BRCA1: variants seen among roughly 807,000 people sequenced by gnomAD.
BRCA1 encodes BRCA1 DNA repair associated, also known as breast cancer type 1 susceptibility protein.
BRCA1 carries 140 observed loss-of-function variants against 173.7 expected under a neutral mutation model. That is an observed-to-expected ratio of 0.81 (90% CI 0.70 to 0.93). The LOEUF (loss-of-function observed/expected upper bound fraction) is 0.93, where lower values mean the gene tolerates loss of function less well. BRCA1 is among the 40% of genes least tolerant of loss of function. The probability of loss-of-function intolerance (pLI) is 0.00; values close to 1 mark genes in which losing one functional copy is unlikely to be tolerated. For synonymous variants in BRCA1, 662 were observed against 756.0 expected, an observed-to-expected ratio of 0.88 and a Z score of 2.04; for missense variants, 1,983 against 2,172.5, an observed-to-expected ratio of 0.91 and a Z score of 1.73.
At chr17:43,142,741 CT>C (rs2056083995) in intron 1 of BRCA1, among the ~76,000 whole-genome samples, 1 of 152,060 alleles carries the variant, frequency 6.6e-6, no homozygotes, top group Non-Finnish European at 1.5e-5. Context: ...TTGTGCTTTA[CT>C]TTTTATTTAA....
chr17:43,076,237 C>G (rs966972254), intron 13 of BRCA1, among the ~76,000 whole-genome samples: 6 of 152,014 alleles, frequency 3.9e-5, no homozygotes, highest in Non-Finnish European at 5.9e-5. Flanking sequence ...GGTTTTACCT[C>G]CATTATATTT....
chr17:43,101,347 C>G (rs2154543198), intron 6 of BRCA1, among the ~76,000 whole-genome samples: 1 of 152,148 alleles, frequency 6.6e-6, no homozygotes, highest in East Asian at 1.9e-4. Flanking sequence ...CATGCGCACG[C>G]CACCATGCCT....
At chr17:43,144,461 C>T (rs542670953) in intron 1 of BRCA1, among the ~76,000 whole-genome samples, 191 of 152,016 alleles carry the variant, frequency 1.3e-3, no homozygotes, top group Non-Finnish European at 2.0e-3. Flanking sequence ...GCACCAAGAA[C>T]AACGATATTT....
intron 19 of BRCA1, among the ~76,000 whole-genome samples, chr17:43,052,945 C>T (rs1427655955): frequency 1.3e-5 from 2 of 150,070 alleles, no homozygotes; most frequent in African/African-American, 4.9e-5. Flanking sequence ...GGTGCCATCT[C>T]GGCTCACTGC....
intron 1 of BRCA1, chr17:43,138,872 A>G (rs763153922): frequency 2.6e-6 from 2 of 778,926 alleles, no homozygotes; most frequent in Non-Finnish European, 4.8e-6. Flanking sequence ...GGACCTCAGC[A>G]GCGGTGTCCC....
intron 3 of BRCA1, among the ~76,000 whole-genome samples, chr17:43,107,309 C>T (rs552364009): frequency 1.3e-5 from 2 of 151,888 alleles, no homozygotes; most frequent in East Asian, 1.9e-4. Context: ...GTGATCTGCC[C>T]GCCTCTGCCT....
chr17:43,059,516 A>AACAACAAC (rs1567766274), intron 18 of BRCA1, among the ~76,000 whole-genome samples: 12 of 127,174 alleles, frequency 9.4e-5, no homozygotes, highest in Middle Eastern at 4.2e-3. Context: ...ACAACAACAA[A>AACAACAAC]TTCTCACATC....
chr17:43,092,487 C>T lies in BRCA1; in HGVS notation c.3044G>A (p.Gly1015Glu), dbSNP rs2154345567. 6.2e-7 allele frequency: 1 copy of T among 1,613,896 alleles called. No homozygotes were observed. The highest frequency in any genetic ancestry group is 8.5e-7 in the Non-Finnish European group (1 of 1,179,946). ...CACTGTACTTGGAATGTTCTCATTT[C>T]CCATTTCTCTTTCAGGTGACATTGA... ...EHSMSPEREM[G>E]NENIPSTVST... The change falls in exon 10 of 23, where the codon GGA becomes GAA. Residue 1015 changes from glycine to glutamate, a missense_variant. Physicochemically the swap from Gly to Glu is moderately conservative, Grantham distance 98 (BLOSUM62 -2). Transcript: ENST00000357654.
intron 3 of BRCA1, among the ~76,000 whole-genome samples, chr17:43,113,082 C>T (rs575603008): frequency 6.6e-6 from 1 of 152,294 alleles, no homozygotes; most frequent in African/African-American, 2.4e-5. Flanking sequence ...GGATTAGAGG[C>T]GTGAGCCACC....
At chr17:43,056,287 A>ACT (rs2051455623) in intron 19 of BRCA1, among the ~76,000 whole-genome samples, 1 of 151,628 alleles carries the variant, frequency 6.6e-6, no homozygotes, top group South Asian at 2.1e-4. Flanking sequence ...GATACTCTCA[A>ACT]CTCAGCCTTC....
chr17:43,122,161 A>T (rs1343298909), intron 2 of BRCA1, among the ~76,000 whole-genome samples: 1 of 152,194 alleles, frequency 6.6e-6, no homozygotes, highest in African/African-American at 2.4e-5. Context: ...CATTTTCCTT[A>T]ATCTGATTAA....
intron 12 of BRCA1, 82 bp downstream of exon 12, chr17:43,082,322 T>C (rs1411971624): frequency 7.0e-7 from 1 of 1,429,482 alleles, no homozygotes; most frequent in Non-Finnish European, 9.7e-7. Context: ...ATGTTGGAGC[T>C]AGGTCCTTAC....
At chr17:43,097,054 T>A (rs2054167318) in intron 8 of BRCA1, among the ~76,000 whole-genome samples, 190 bp downstream of exon 8, 1 of 152,204 alleles carries the variant, frequency 6.6e-6, no homozygotes, top group Non-Finnish European at 1.5e-5. Flanking sequence ...GTATGCTTAG[T>A]ACCCGGATGA....
intron 2 of BRCA1, among the ~76,000 whole-genome samples, chr17:43,119,838 A>G (rs527652099): frequency 1.3e-5 from 2 of 152,352 alleles, no homozygotes; most frequent in East Asian, 1.9e-4. Flanking sequence ...CAGTATGGTA[A>G]TTATAATCTA....
rs566421138 is a variant in BRCA1 at position 43,156,130 on chromosome 17, G to A, written c.-20+13996C>T. Among the ~76,000 whole-genome samples, 5 of 152,056 alleles carry A rather than the reference G, an allele frequency of 3.3e-5. No homozygotes were observed. The South Asian group carries it at 6.2e-4, about 19-fold the overall frequency. ...CACGCACCTGTAGTCCTGGCTACTC[G>A]GGAGGCTGAGGCAGGAGAATTGCTT... On this transcript the variant is annotated intron_variant, in intron 1 of 7. Coordinates refer to the BRCA1 transcript ENST00000634433.
upstream of BRCA1, among the ~76,000 whole-genome samples, chr17:43,128,657 A>G (rs2055937738): frequency 6.6e-6 from 1 of 152,182 alleles, no homozygotes; most frequent in African/African-American, 2.4e-5. Flanking sequence ...CTGGAAGACT[A>G]GGATGAAATC....
intron 1 of BRCA1, chr17:43,167,597 G>A (rs1455851120): frequency 6.6e-6 from 1 of 152,178 alleles, no homozygotes; most frequent in Admixed American, 6.5e-5. Flanking sequence ...CACCTGGGGT[G>A]TCTGCTTGTG....
chr17:43,051,279 G>A (rs189304636), intron 19 of BRCA1, among the ~76,000 whole-genome samples, 162 bp from the exon 20 acceptor site: 2 of 152,300 alleles, frequency 1.3e-5, no homozygotes, highest in African/African-American at 4.8e-5. Context: ...ACTTCCCAGG[G>A]ACAAGCAGTC....
chr17:43,088,304 TC>T (rs766861977), intron 11 of BRCA1, among the ~76,000 whole-genome samples: 20 of 151,684 alleles, frequency 1.3e-4, no homozygotes, highest in Non-Finnish European at 1.5e-5. Context: ...AAACAGTAAC[TC>T]CCCATTTCCC....
Sources: allele counts gnomAD v4.1 joint callset (sites outside exome capture counted in the v4.1 genomes callset), GRCh38; gene constraint gnomAD v4.1.1; transcripts MANE v1.5; gene names NCBI Gene and HGNC (gene_info 2026-07-23, HGNC 2026-07-21).